Variants in MAP3K13 observed in about 807,000 individuals in gnomAD.
MAP3K13 encodes leucine zipper-bearing kinase.
Under a neutral mutation model 104.0 loss-of-function variants are expected in MAP3K13, and 52 were observed. The ratio of observed to expected loss-of-function variants is 0.50; its 90% CI spans 0.40 to 0.63. MAP3K13 has a LOEUF of 0.63. Among genes scored for constraint, MAP3K13 ranks in the 20% least tolerant of loss-of-function variants. The probability of loss-of-function intolerance (pLI) is 0.00; values close to 1 mark genes in which losing one functional copy is unlikely to be tolerated. For synonymous variants in MAP3K13, 394 were observed against 442.2 expected, an observed-to-expected ratio of 0.89 and a Z score of 1.37; for missense variants, 914 against 1,218.5, an observed-to-expected ratio of 0.75 and a Z score of 3.72.
rs771177653 is a variant in MAP3K13, at chr3:185,417,695, G to A, written c.-85-10802G>A. 364 of 1,612,498 alleles carry A rather than the reference G, an allele frequency of 2.3e-4. 1 individual carries two copies. Among genetic ancestry groups the A allele is most frequent in the Middle Eastern group, 3.9e-4 (2 of 5,144 alleles). Reference sequence around the variant, plus strand: ...GCCGCCTTTTCATCTGATTTGGCTGGTAGTGCTGCTGCTGCAGCAGCTGCC... The same window carrying A: ...GCCGCCTTTTCATCTGATTTGGCTGATAGTGCTGCTGCTGCAGCAGCTGCC... On this transcript the variant is annotated intron_variant, in intron 1 of 13. Transcript: ENST00000265026.
chr3:185,444,284 T>G (rs1344577810), intron 4 of MAP3K13, among the ~76,000 whole-genome samples: 1 of 151,854 alleles, frequency 6.6e-6, no homozygotes, highest in Non-Finnish European at 1.5e-5. Context: ...TGCAGTGAGC[T>G]GAAATCACAC....
At chr3:185,300,509 T>C (rs1721067417) in intron 2 of MAP3K13, among the ~76,000 whole-genome samples, 1 of 148,498 alleles carries the variant, frequency 6.7e-6, no homozygotes, top group Non-Finnish European at 1.5e-5. Context: ...TTTTTCTTTT[T>C]CAGATGGAGT....
At position 185,450,128 on chromosome 3, in the gene MAP3K13, G is replaced by C; in HGVS notation, c.1169+70G>C. On this transcript the variant is annotated intron_variant, in intron 6 of 13. Transcript: ENST00000265026. This position sits in a 1 kb window ranked among gnomAD's most constrained non-coding sequence, Gnocchi z 4.2. ...ATTTGGAGTAAATATCCTGGTGGTG[G>C]AAAGAATAGGAGCTTTGGAGTAGGA... is the stretch of plus-strand genomic sequence containing the variant. The C allele has an allele frequency of 1.4e-6, 2 of 1,388,338 alleles. No individual in the cohort carries two copies. Among genetic ancestry groups the C allele is most frequent in the South Asian group, 3.0e-5 (2 of 66,502 alleles). 86.0% of individuals were successfully genotyped at this position (1,388,338 alleles called of 1,614,324 possible). A position where few individuals can be genotyped will look rare whatever the true frequency, so the allele number is the denominator to read the frequency against.
At chr3:185,286,379 A>C (rs1028580573) in intron 2 of MAP3K13, among the ~76,000 whole-genome samples, 1 of 152,112 alleles carries the variant, frequency 6.6e-6, no homozygotes, top group Non-Finnish European at 1.5e-5. Flanking sequence ...TTTCTTGTTT[A>C]GAATTTGTTT....
intron 2 of MAP3K13, among the ~76,000 whole-genome samples, chr3:185,339,994 CCT>C (rs1491353385): frequency 1.6e-5 from 1 of 61,560 alleles, no homozygotes; most frequent in Non-Finnish European, 4.8e-5. Flanking sequence ...TATTTCTTTT[CCT>C]TTTTTTTTTT....
Position 185,482,315 on chromosome 3 carries a change from G to A in MAP3K13, c.2800-40G>A. The A allele has an allele frequency of 1.4e-6, 2 of 1,398,676 alleles. No individual in the cohort carries two copies. Among genetic ancestry groups the A allele is most frequent in the South Asian group, 2.3e-5 (2 of 86,586 alleles). 86.6% of individuals were successfully genotyped at this position (1,398,676 alleles called of 1,614,324 possible). A position where few individuals can be genotyped will look rare whatever the true frequency, so the allele number is the denominator to read the frequency against. On this transcript the variant is annotated intron_variant, in intron 13 of 13. Coordinates refer to ENST00000265026, the MANE Select transcript of MAP3K13 (RefSeq NM_004721.5). The surrounding 1 kb of genome is among the most constrained non-coding windows in gnomAD (Gnocchi z 4.5). ...GGTGTTTGACATATATTTACTGAGTGATTATCGAAATGAATTAAGGTTTTG... is the reference window on the plus strand; with the variant it reads ...GGTGTTTGACATATATTTACTGAGTAATTATCGAAATGAATTAAGGTTTTG...
At chr3:185,462,105 T>G (rs1277055835) in intron 7 of MAP3K13, among the ~76,000 whole-genome samples, 1 of 152,186 alleles carries the variant, frequency 6.6e-6, no homozygotes, top group Non-Finnish European at 1.5e-5. Flanking sequence ...TAGATACATT[T>G]AGTTACAAAT....
Position 185,465,716 on chromosome 3 carries a change from G to A in MAP3K13, c.1389-31G>A, listed in dbSNP as rs560053511. On this transcript the variant is annotated intron_variant, in intron 8 of 13. Coordinates refer to ENST00000265026, the MANE Select transcript of MAP3K13 (RefSeq NM_004721.5). ...GGACTTTTTTCTCCCGAAGTTGGTT[G>A]GCTGGGCTGACCCTGTGTTTTCTCT... The A allele has an allele frequency of 2.0e-6, 3 of 1,514,358 alleles. No individual in the cohort carries two copies. The East Asian group carries it at 6.8e-5, about 34-fold the overall frequency. The allele number at this position is 1,514,358 out of a possible 1,614,324, so 93.8% of individuals were successfully genotyped here.
At chr3:185,448,078 T>C in intron 5 of MAP3K13, 131 bp downstream of exon 5, 1 of 1,033,746 alleles carries the variant, frequency 9.7e-7, no homozygotes, top group Non-Finnish European at 1.5e-6. Flanking sequence ...GATTTCAGCC[T>C]CATATTTTCT....
chr3:185,323,270 T>C (rs1485240908), intron 2 of MAP3K13, among the ~76,000 whole-genome samples: 1 of 152,132 alleles, frequency 6.6e-6, no homozygotes, highest in Non-Finnish European at 1.5e-5. Context: ...CACCAGTTTT[T>C]CCATGACTGT....
intron 2 of MAP3K13, among the ~76,000 whole-genome samples, chr3:185,305,307 G>T (rs544824774): frequency 1.3e-5 from 2 of 152,160 alleles, no homozygotes; most frequent in Non-Finnish European, 2.9e-5. Context: ...TGTTTACAAT[G>T]GGGATTACAT....
chr3:185,338,367 T>C (rs958032018), intron 2 of MAP3K13, among the ~76,000 whole-genome samples: 12 of 145,872 alleles, frequency 8.2e-5, no homozygotes, highest in Non-Finnish European at 1.8e-4. Context: ...AACAAGTGGC[T>C]CATATGGGTG....
At chr3:185,398,692 A>T (rs188638695) in intron 1 of MAP3K13, among the ~76,000 whole-genome samples, 24 of 152,382 alleles carry the variant, frequency 1.6e-4, no homozygotes, top group African/African-American at 5.3e-4. Context: ...AGCATGTAGC[A>T]GGCACACAGG....
chr3:185,443,350 C>T (rs550046997), intron 3 of MAP3K13, 95 bp from the exon 4 acceptor site: 17 of 776,934 alleles, frequency 2.2e-5, no homozygotes, highest in African/African-American at 3.5e-5. Flanking sequence ...TAAAATAATT[C>T]GGGTATAGAA....
chr3:185,380,509 CAAA>C (rs564011110), intron 1 of MAP3K13, among the ~76,000 whole-genome samples: 10 of 85,608 alleles, frequency 1.2e-4, no homozygotes, highest in African/African-American at 2.4e-4. Context: ...GACTCCATCT[CAAA>C]AAAAAAAAAA....
At chr3:185,285,261 C>T (rs953621620) in intron 1 of MAP3K13, 6 of 182,450 alleles carry the variant, frequency 3.3e-5, no homozygotes, top group Admixed American at 2.2e-4. Context: ...CGTGGTGCCA[C>T]CCTTAGAATA....
chr3:185,431,953 ATCTC>A (rs61319752), intron 2 of MAP3K13, among the ~76,000 whole-genome samples: 1 of 150,170 alleles, frequency 6.7e-6, no homozygotes, highest in Non-Finnish European at 1.5e-5. Context: ...ATGTATGTGT[ATCTC>A]TCTCTCTCTC....
At chr3:185,449,678 G>C (rs898516127) in intron 5 of MAP3K13, among the ~76,000 whole-genome samples, 1 of 151,088 alleles carries the variant, frequency 6.6e-6, no homozygotes, top group Non-Finnish European at 1.5e-5. Flanking sequence ...GTTCACACAC[G>C]GGAGTTAATT....
At chr3:185,390,045 GA>G (rs753298631) in intron 1 of MAP3K13, among the ~76,000 whole-genome samples, 1 of 151,998 alleles carries the variant, frequency 6.6e-6, no homozygotes, top group African/African-American at 2.4e-5. Context: ...GGCCACGGGG[GA>G]TCTCCACTGT....
Sources: allele counts gnomAD v4.1 joint callset (sites outside exome capture counted in the v4.1 genomes callset), GRCh38; gene constraint gnomAD v4.1.1; non-coding constraint Gnocchi (gnomAD v3.1); transcripts MANE v1.5; gene names NCBI Gene and HGNC (gene_info 2026-07-23, HGNC 2026-07-21).